KLF12: variants seen among roughly 807,000 people sequenced by gnomAD.
KLF12 encodes the protein KLF transcription factor 12, also known as Krueppel-like factor 12.
KLF12 carries 9 observed loss-of-function variants against 37.8 expected under a neutral mutation model. The observed-to-expected ratio is 0.24, with a 90% CI of 0.14 to 0.42. The LOEUF (loss-of-function observed/expected upper bound fraction) is 0.42. Ranked by LOEUF, KLF12 falls within the 10% of genes least tolerant of loss-of-function variation. KLF12 has a pLI of 1.00. For missense variants in KLF12, 411 were observed against 516.0 expected (o/e 0.80, Z 1.97); for synonymous variants, 208 against 202.1 (o/e 1.03, Z -0.25).
chr13:74,070,059 G>A (rs192296452), intron 1 of KLF12, among the ~76,000 whole-genome samples: 58 of 152,198 alleles, frequency 3.8e-4, no homozygotes, highest in East Asian at 1.5e-3. Flanking sequence ...ATTTGAAGCC[G>A]CAGAAATAAA....
intron 1 of KLF12, among the ~76,000 whole-genome samples, chr13:74,041,732 A>C (rs191104914): frequency 1.2e-4 from 17 of 139,512 alleles, no homozygotes; most frequent in East Asian, 6.3e-4. Flanking sequence ...ACACACACAC[A>C]CCCCTTCAAA....
chr13:74,293,317 T>A, the KLF12 span, among the ~76,000 whole-genome samples: 1 of 152,166 alleles, frequency 6.6e-6, no homozygotes, highest in African/African-American at 2.4e-5. Context: ...GGTCTACTAT[T>A]TTTTCCCCCT....
At chr13:74,282,787 C>A in the KLF12 span, among the ~76,000 whole-genome samples, 2 of 152,196 alleles carry the variant, frequency 1.3e-5, no homozygotes, top group African/African-American at 2.4e-5. Context: ...ACCTCTATTA[C>A]GGTTTCAGTT....
chr13:74,291,736 T>G, the KLF12 span, among the ~76,000 whole-genome samples: 1 of 152,202 alleles, frequency 6.6e-6, no homozygotes, highest in Non-Finnish European at 1.5e-5. Context: ...CATATATGTA[T>G]CTACACCTTA....
chr13:73,754,697 C>T (rs1389795007), intron 6 of KLF12, among the ~76,000 whole-genome samples: 1 of 152,038 alleles, frequency 6.6e-6, no homozygotes, highest in African/African-American at 2.4e-5. Flanking sequence ...CAAAAACCCA[C>T]CCAGGTCACC....
Position 73,943,034 on chromosome 13 carries a change from G to A in KLF12, c.123+947C>T, listed in dbSNP as rs555891773. ...ATCCTAACCCTTTGAGTGGGATCCC[G>A]GATGTACTCATCCACATTGATTTTT... On this transcript the variant is annotated intron_variant, in intron 3 of 7. Coordinates refer to ENST00000377669, the MANE Select transcript of KLF12 (RefSeq NM_007249.5). 9.9e-5 allele frequency among the ~76,000 whole-genome samples: 15 copies of A among 152,172 alleles called. 1 individual carries two copies. The highest frequency in any genetic ancestry group is 4.2e-4 in the South Asian group (2 of 4,806).
chr13:74,194,541 C>A, the KLF12 span, among the ~76,000 whole-genome samples: 3 of 152,084 alleles, frequency 2.0e-5, no homozygotes, highest in African/African-American at 4.8e-5. Context: ...TTCTTCAAAC[C>A]CTTTCATAAA....
intron 3 of KLF12, among the ~76,000 whole-genome samples, chr13:73,897,109 G>A (rs1887808575): frequency 6.6e-6 from 1 of 151,754 alleles, no homozygotes; most frequent in African/African-American, 2.4e-5. Context: ...TGGCAAAAAT[G>A]ACCTTATCAT....
chr13:74,153,318 G>C, the KLF12 span, among the ~76,000 whole-genome samples: 1 of 152,098 alleles, frequency 6.6e-6, no homozygotes, highest in Non-Finnish European at 1.5e-5. Flanking sequence ...ATCACGAGTT[G>C]AACTAGGACC....
chr13:73,733,992 A>T (rs1337375678), intron 6 of KLF12, among the ~76,000 whole-genome samples: 1 of 152,164 alleles, frequency 6.6e-6, no homozygotes, highest in Non-Finnish European at 1.5e-5. Context: ...GAACCCTGAG[A>T]TCTCTTCATT....
chr13:73,977,373 C>T (rs1436932959), intron 2 of KLF12, among the ~76,000 whole-genome samples: 1 of 152,094 alleles, frequency 6.6e-6, no homozygotes, highest in African/African-American at 2.4e-5. Flanking sequence ...CAAACACATA[C>T]AAAGCATTTA....
At chr13:73,783,715 T>A (rs555823936) in intron 5 of KLF12, among the ~76,000 whole-genome samples, 26 of 152,290 alleles carry the variant, frequency 1.7e-4, no homozygotes, top group Non-Finnish European at 3.2e-4. Context: ...CCTTTCTACC[T>A]TGACCATGAA....
At chr13:74,224,398 T>C in the KLF12 span, among the ~76,000 whole-genome samples, 2 of 152,156 alleles carry the variant, frequency 1.3e-5, no homozygotes, top group African/African-American at 4.8e-5. Context: ...CAGGATCTTC[T>C]AACTTTCTAT....
At chr13:74,302,876 C>T in the KLF12 span, among the ~76,000 whole-genome samples, 1,160 of 152,222 alleles carry the variant, frequency 7.6e-3, 60 homozygotes, top group Admixed American at 0.071. Flanking sequence ...GTGCTGTGTG[C>T]TCTTCTCTGT....
At chr13:74,197,320 T>C in the KLF12 span, among the ~76,000 whole-genome samples, 1 of 152,198 alleles carries the variant, frequency 6.6e-6, no homozygotes, top group South Asian at 2.1e-4. Context: ...AATTCAAGGA[T>C]ATTTATTAAA....
intron 5 of KLF12, among the ~76,000 whole-genome samples, chr13:73,774,789 GTATTT>G (rs1880497414): frequency 6.6e-6 from 1 of 151,722 alleles, no homozygotes; most frequent in African/African-American, 2.4e-5. Context: ...TATTTTTTCT[GTATTT>G]TATTTTGTGA....
At chr13:74,125,626 C>T (rs1271655036) in intron 1 of KLF12, among the ~76,000 whole-genome samples, 2 of 152,166 alleles carry the variant, frequency 1.3e-5, no homozygotes, top group Non-Finnish European at 2.9e-5. Flanking sequence ...TCTACTATTA[C>T]CACTGCTGCA....
At chr13:73,707,636 G>A (rs75870999) in intron 7 of KLF12, among the ~76,000 whole-genome samples, 8,499 of 152,158 alleles carry the variant, frequency 0.056, 330 homozygotes, top group African/African-American at 0.11. Flanking sequence ...TATGTGGAAT[G>A]AGCTATTTAA....
chr13:73,822,395 G>T (rs76298357), intron 4 of KLF12, among the ~76,000 whole-genome samples: 2,599 of 152,140 alleles, frequency 0.017, 50 homozygotes, highest in African/African-American at 0.044. Context: ...TCTATCACAT[G>T]AATTACCGCT....
Sources: gnomAD v4.1 joint callset for allele counts (sites outside exome capture counted in the v4.1 genomes callset) on GRCh38, gnomAD v4.1.1 for gene constraint, MANE v1.5 for transcripts, NCBI Gene and HGNC (gene_info 2026-07-23, HGNC 2026-07-21) for gene names.